Variants in CTNND2 observed in about 807,000 individuals in gnomAD.
CTNND2 encodes catenin delta 2.
Under a neutral mutation model 144.4 loss-of-function variants are expected in CTNND2, and 22 were observed. That is an observed-to-expected ratio of 0.15 (90% CI 0.11 to 0.22). The LOEUF is 0.22. Ranked by LOEUF, CTNND2 falls within the 10% of genes least tolerant of loss-of-function variation. The pLI is 1.00. For missense variants in CTNND2, 1,353 were observed against 1,618.8 expected (o/e 0.84, Z 2.82); for synonymous variants, 751 against 695.6 (o/e 1.08, Z -1.25).
chr5:11,198,489 G>A (rs941697712), intron 11 of CTNND2, among the ~76,000 whole-genome samples: 1 of 152,184 alleles, frequency 6.6e-6, no homozygotes, highest in Admixed American at 6.5e-5. Context: ...CTTGAATAAT[G>A]TATTTTCTTT....
chr5:11,371,875 C>T (rs1284868092), intron 7 of CTNND2, among the ~76,000 whole-genome samples: 1 of 152,208 alleles, frequency 6.6e-6, no homozygotes, highest in Admixed American at 6.5e-5. Flanking sequence ...TGCACTGAAA[C>T]CAAATAATTC....
chr5:11,517,647 A>G (rs1772296698), intron 3 of CTNND2, among the ~76,000 whole-genome samples: 1 of 152,002 alleles, frequency 6.6e-6, no homozygotes. Flanking sequence ...GGGGAGGGAG[A>G]GCATTAGGAC....
intron 3 of CTNND2, among the ~76,000 whole-genome samples, chr5:11,506,678 T>C (rs1380038143): frequency 1.3e-5 from 2 of 152,230 alleles, no homozygotes; most frequent in Non-Finnish European, 2.9e-5. Context: ...ATATACACAA[T>C]TCATTTTTTT....
At chr5:11,143,399 T>TG (rs1756933991) in intron 12 of CTNND2, among the ~76,000 whole-genome samples, 1 of 152,196 alleles carries the variant, frequency 6.6e-6, no homozygotes, top group Middle Eastern at 3.4e-3. Context: ...CCAAGGGTTG[T>TG]GAAAAAAAAC....
At chr5:11,024,924 C>G (rs1335530225) in intron 16 of CTNND2, among the ~76,000 whole-genome samples, 1 of 152,208 alleles carries the variant, frequency 6.6e-6, no homozygotes, top group African/African-American at 2.4e-5. Context: ...AGAGCAGCCT[C>G]TTCCACTCAC....
At chr5:11,040,247 A>AAAAAAC (rs199808771) in intron 16 of CTNND2, among the ~76,000 whole-genome samples, 1 of 152,118 alleles carries the variant, frequency 6.6e-6, no homozygotes, top group Admixed American at 6.6e-5. Flanking sequence ...CTCAGTCTCA[A>AAAAAAC]AAAAACAAAA....
chr5:11,662,928 T>C (rs1783356166), intron 2 of CTNND2, among the ~76,000 whole-genome samples: 1 of 152,168 alleles, frequency 6.6e-6, no homozygotes, highest in South Asian at 2.1e-4. Flanking sequence ...ATAAAGTGGA[T>C]AAAATATTTC....
At chr5:11,387,835 A>G (rs760215520) in intron 6 of CTNND2, among the ~76,000 whole-genome samples, 1 of 152,228 alleles carries the variant, frequency 6.6e-6, no homozygotes, top group African/African-American at 2.4e-5. Flanking sequence ...AAATGAGAAT[A>G]TTAAGTCGGT....
chr5:11,736,052 G>A (rs1274963752), intron 1 of CTNND2, among the ~76,000 whole-genome samples: 7 of 152,166 alleles, frequency 4.6e-5, no homozygotes, highest in African/African-American at 1.4e-4. Context: ...AGGGCCCAAA[G>A]TTATTAAGTC....
intron 1 of CTNND2, among the ~76,000 whole-genome samples, chr5:11,761,291 A>C (rs939648175): frequency 6.6e-6 from 1 of 152,132 alleles, no homozygotes; most frequent in Non-Finnish European, 1.5e-5. Context: ...AGAATAACAA[A>C]TCTACACATC....
chr5:11,469,684 C>T (rs1766986107), intron 3 of CTNND2, among the ~76,000 whole-genome samples: 2 of 152,342 alleles, frequency 1.3e-5, no homozygotes, highest in Non-Finnish European at 2.9e-5. Context: ...GATGCCCACT[C>T]AACACTTTCT....
chr5:11,656,401 C>G (rs934430645), intron 2 of CTNND2, among the ~76,000 whole-genome samples: 5 of 143,850 alleles, frequency 3.5e-5, no homozygotes, highest in South Asian at 4.5e-4. Context: ...CTTCTATACC[C>G]CTGCTGAACA....
intron 1 of CTNND2, among the ~76,000 whole-genome samples, chr5:11,880,188 T>C (rs1332573023): frequency 1.3e-5 from 2 of 152,154 alleles, no homozygotes; most frequent in South Asian, 2.1e-4. Context: ...CATGAAGACA[T>C]TATGCTCATG....
At chr5:11,517,295 A>T (rs576078763) in intron 3 of CTNND2, among the ~76,000 whole-genome samples, 21 of 152,342 alleles carry the variant, frequency 1.4e-4, no homozygotes, top group African/African-American at 5.0e-4. Context: ...GTAAAAGAAA[A>T]TATTAAAAAG....
intron 7 of CTNND2, among the ~76,000 whole-genome samples, chr5:11,369,815 A>G (rs929231960): frequency 6.6e-6 from 1 of 152,214 alleles, no homozygotes; most frequent in African/African-American, 2.4e-5. Context: ...AGCACCTGAC[A>G]TTTTAGCAGA....
At chr5:11,442,779 TTATA>T (rs1282495575) in intron 3 of CTNND2, among the ~76,000 whole-genome samples, 1 of 147,632 alleles carries the variant, frequency 6.8e-6, no homozygotes, top group Non-Finnish European at 1.5e-5. Flanking sequence ...ATTGCAATCA[TTATA>T]TATATAATTA....
In CTNND2 at chr5:11,411,396, G is replaced by T. The variant is rs554970700; in HGVS notation, c.439+140C>A. 5.0e-6 allele frequency: 3 copies of T among 604,302 alleles called. No homozygotes were observed. The African/African-American group carries it at 5.7e-5, about 11-fold the overall frequency. 37.4% of individuals were successfully genotyped at this position (604,302 alleles called of 1,614,324 possible). The stretch of plus-strand genomic sequence containing the variant: ...AATGTGGGAAGGGAACAGATGGGAC[G>T]GAGTGAAATGGATAAAACAAGTATA... On this transcript the variant is annotated intron_variant, in intron 5 of 21. Transcript: ENST00000304623.
At chr5:11,159,796 A>G (rs1423988746) in intron 11 of CTNND2, 37 bp from the exon 12 acceptor site, 1 of 1,501,748 alleles carries the variant, frequency 6.7e-7, no homozygotes. Flanking sequence ...TTGGGTGGCC[A>G]CAAGTTTTTC....
chr5:11,223,492 C>T (rs545917933), intron 10 of CTNND2, among the ~76,000 whole-genome samples: 10 of 152,254 alleles, frequency 6.6e-5, no homozygotes, highest in African/African-American at 2.2e-4. Context: ...AGCTTCCTTT[C>T]CTCTCCTAGT....
Sources: gnomAD v4.1 joint callset for allele counts (sites outside exome capture counted in the v4.1 genomes callset) on GRCh38, gnomAD v4.1.1 for gene constraint, MANE v1.5 for transcripts, NCBI Gene and HGNC (gene_info 2026-07-23, HGNC 2026-07-21) for gene names.